The following PTCH1 variants were observed in gnomAD, a reference collection of about 807,000 sequenced individuals.
The protein encoded by PTCH1 is protein patched homolog 1.
PTCH1 carries 14 observed loss-of-function variants against 144.6 expected under a neutral mutation model. The observed-to-expected ratio is 0.10, with a 90% CI of 0.06 to 0.15. The LOEUF (loss-of-function observed/expected upper bound fraction) is 0.15, where lower values mean the gene tolerates loss of function less well. Among genes scored for constraint, PTCH1 ranks in the 10% least tolerant of loss-of-function variants. The pLI, the probability that PTCH1 is intolerant of heterozygous loss-of-function variation, is 1.00. For synonymous variants in PTCH1, 833 were observed against 793.6 expected (o/e 1.05, Z -0.83); for missense variants, 1,623 against 1,948.3 (o/e 0.83, Z 3.14).
Position 95,457,995 on chromosome 9 carries a change from C to A in PTCH1, c.3168+18G>T. ...GAAAGGAATTTGACTTCCACAAAGC[C>A]CCTTATAATACACTCACAATGATCC... On this transcript the variant is annotated intron_variant, in intron 18 of 23. Coordinates refer to ENST00000331920, the MANE Select transcript of PTCH1 (RefSeq NM_000264.5). 6.2e-7 allele frequency: 1 copy of A among 1,614,006 alleles called. No individual in the cohort carries two copies. The highest frequency in any genetic ancestry group is 8.5e-7 in the Non-Finnish European group (1 of 1,180,006).
rs954424550 is a variant in PTCH1, at chr9:95,444,631, TTTCTG to T, written c.*1757_*1761del. On this transcript the variant is annotated 3_prime_UTR_variant, in exon 24 of 24. Coordinates refer to ENST00000331920, the MANE Select transcript of PTCH1 (RefSeq NM_000264.5). ...TGGGTATTTCTGGGGGCCCATTACC[TTTCTG>T]TTAAGATTTCCCAGGTAATTTAAAA... The T allele has an allele frequency of 1.3e-5, 2 of 152,256 alleles. No individual in the cohort carries two copies. The highest frequency in any genetic ancestry group is 1.3e-4 in the Admixed American group (2 of 15,276). The allele number at this position is 152,256 out of a possible 1,614,324, so 9.4% of individuals were successfully genotyped here.
At chr9:95,472,109 G>A (rs773417642) in intron 12 of PTCH1, among the ~76,000 whole-genome samples, 3 of 152,140 alleles carry the variant, frequency 2.0e-5, no homozygotes, top group Admixed American at 6.5e-5. Context: ...AAAACACAGA[G>A]TGTGCAAGAG....
chr9:95,476,050 C>T lies in PTCH1; in HGVS notation c.1712G>A (p.Arg571Gln), dbSNP rs377566861. Residue 571 changes from arginine to glutamine, a missense_variant, in exon 12 of 24, where the codon CGG (arginine) becomes CAG (glutamine). Arg to Gln is a conservative substitution (Grantham distance 43). Coordinates refer to ENST00000331920, the MANE Select transcript of PTCH1 (RefSeq NM_000264.5). This position sits in a 1 kb window ranked among gnomAD's most constrained non-coding sequence, Gnocchi z 4.6. ...MAALIPIPAL[R>Q]AFSLQAAVVV... ...GAAGCTCACCTGGAGGGAGAACGCC[C>T]GCAGAGCGGGAATTGGGATTAACGC... 9.9e-6 allele frequency: 16 copies of T among 1,613,854 alleles called. No homozygotes were observed. Among genetic ancestry groups the T allele is most frequent in the South Asian group, 2.2e-5 (2 of 91,064 alleles).
chr9:95,452,246 T>A (rs1378707267), intron 20 of PTCH1: 3 of 152,164 alleles, frequency 2.0e-5, no homozygotes, highest in African/African-American at 7.2e-5. Context: ...CTCATCTCTT[T>A]CCCGTAATAA....
rs1840348766 is a variant in PTCH1 at position 95,469,324 on chromosome 9, T to A, written c.1848-171A>T. On this transcript the variant is annotated intron_variant, in intron 13 of 23. Transcript: ENST00000331920. ...ACATCGCCTGGTTGATAACATCACC[T>A]GGTTCATCGCCTGGTGAACTAGATA... The A allele has an allele frequency of 1.1e-5, 10 of 924,790 alleles. No individual in the cohort carries two copies. The Admixed American group carries it at 1.6e-4, about 15-fold the overall frequency. The allele number at this position is 924,790 out of a possible 1,614,324, so 57.3% of individuals were successfully genotyped here. A position where few individuals can be genotyped will look rare whatever the true frequency, so the allele number is the denominator to read the frequency against.
intron 2 of PTCH1, chr9:95,494,988 T>G (rs1842694670): frequency 6.6e-6 from 1 of 152,330 alleles, no homozygotes; most frequent in African/African-American, 2.4e-5. Context: ...TGAGCCGACA[T>G]GGGGGAGAAG....
chr9:95,454,422 A>G (rs1407056744), intron 19 of PTCH1, among the ~76,000 whole-genome samples: 1 of 152,176 alleles, frequency 6.6e-6, no homozygotes, highest in African/African-American at 2.4e-5. Flanking sequence ...TCCCTTACCT[A>G]CCTGCAGAAG....
At chr9:95,463,170 CA>C (rs71498963) in intron 15 of PTCH1, among the ~76,000 whole-genome samples, 31,235 of 151,878 alleles carry the variant, frequency 0.21, 3,462 homozygotes, top group Non-Finnish European at 0.24. Flanking sequence ...TCAAAGGCTT[CA>C]AAAAAAATCT....
At chr9:95,507,790 A>T in intron 1 of PTCH1, 1 of 349,242 alleles carries the variant, frequency 2.9e-6, no homozygotes, top group Non-Finnish European at 4.3e-6. Context: ...CGCAGGAGGA[A>T]GAAGTTCAGG....
rs375797579 is a variant in PTCH1, at chr9:95,485,673, G to A, written c.584+12C>T. The A allele has an allele frequency of 9.3e-6, 15 of 1,613,812 alleles. No individual in the cohort carries two copies. The highest frequency in any genetic ancestry group is 1.6e-4 in the Middle Eastern group (1 of 6,072). On this transcript the variant is annotated intron_variant, in intron 3 of 23. Transcript: ENST00000331920. ...CTGCTGCTCATTAGTAGGTGGACGCGGCGGGCCTTACCTGTTGTACATGTA... is the reference window on the plus strand; with the variant it reads ...CTGCTGCTCATTAGTAGGTGGACGCAGCGGGCCTTACCTGTTGTACATGTA...
In PTCH1 at chr9:95,453,469, C is replaced by T. The variant is rs1554690376; in HGVS notation, c.3449+9G>A. ...TCTAAAACATGTCTCCTTGCACACG[C>T]CTGCTTACCTGACAATGAAGTCGAA... On this transcript the variant is annotated intron_variant, in intron 20 of 23. Coordinates refer to ENST00000331920, the MANE Select transcript of PTCH1 (RefSeq NM_000264.5). 3.7e-6 allele frequency: 6 copies of T among 1,613,990 alleles called. No individual in the cohort carries two copies. Among genetic ancestry groups the T allele is most frequent in the East Asian group, 2.2e-5 (1 of 44,878 alleles).
chr9:95,474,726 G>A (rs1259263001), intron 12 of PTCH1, among the ~76,000 whole-genome samples: 2 of 152,116 alleles, frequency 1.3e-5, no homozygotes, highest in Non-Finnish European at 2.9e-5. Context: ...ATACGTGATT[G>A]ATTGGTTCCT....
chr9:95,468,427 G>A (rs1728601707), intron 14 of PTCH1, among the ~76,000 whole-genome samples: 1 of 152,156 alleles, frequency 6.6e-6, no homozygotes, highest in Non-Finnish European at 1.5e-5. Context: ...TCGAACTCCT[G>A]GCTCAAACAA....
intron 3 of PTCH1, among the ~76,000 whole-genome samples, chr9:95,485,203 C>A (rs1036338054): frequency 2.0e-5 from 3 of 151,810 alleles, no homozygotes; most frequent in African/African-American, 7.3e-5. Flanking sequence ...GAGGCTCTGT[C>A]TCAAAAAAAT....
intron 14 of PTCH1, 118 bp downstream of exon 14, chr9:95,468,629 ATACT>A (rs1331298477): frequency 4.1e-5 from 55 of 1,353,634 alleles, no homozygotes; most frequent in Admixed American, 9.1e-5. Context: ...GAAATGTATC[ATACT>A]TAAACGAAAT....
chr9:95,497,021 A>G (rs760836525), intron 2 of PTCH1, among the ~76,000 whole-genome samples: 7 of 152,200 alleles, frequency 4.6e-5, no homozygotes, highest in Non-Finnish European at 5.9e-5. Flanking sequence ...CCTTCATCTC[A>G]AAATTCCTGT....
rs755391704 is a variant in PTCH1 at position 95,467,370 on chromosome 9, G to A, written c.2306C>T (p.Thr769Ile). 16 of 1,614,188 alleles carry A rather than the reference G, an allele frequency of 9.9e-6. No homozygotes were observed. The highest frequency in any genetic ancestry group is 1.3e-5 in the Non-Finnish European group (15 of 1,180,048). ...AAGGTCCAGCCCGTCTCTCACTCGG[G>A]TGGTGCCATAAAGGCTGACCCCCAG... ...GLLGVSLYGTTRVRDGLDLTD... is the reference protein window; with the variant it reads ...GLLGVSLYGTIRVRDGLDLTD... Residue 769 changes from threonine (T) to isoleucine (I), a missense_variant, in exon 15 of 24, where the codon ACC (threonine) becomes ATC (isoleucine). Coordinates refer to ENST00000331920, the MANE Select transcript of PTCH1 (RefSeq NM_000264.5).
chr9:95,475,581 G>A (rs1840958704), intron 12 of PTCH1, among the ~76,000 whole-genome samples: 1 of 152,150 alleles, frequency 6.6e-6, no homozygotes, highest in Admixed American at 6.5e-5. Flanking sequence ...ACTGTCTTGG[G>A]TTGGGGGTGC....
chr9:95,469,666 C>T, intron 13 of PTCH1, 147 bp downstream of exon 13: 1 of 844,446 alleles, frequency 1.2e-6, no homozygotes, highest in Non-Finnish European at 2.0e-6. Flanking sequence ...CCTAGGGAAG[C>T]AGCCTCTGTC....
Sources: allele counts gnomAD v4.1 joint callset (sites outside exome capture counted in the v4.1 genomes callset), GRCh38; gene constraint gnomAD v4.1.1; non-coding constraint Gnocchi (gnomAD v3.1); transcripts MANE v1.5; gene names NCBI Gene and HGNC (gene_info 2026-07-23, HGNC 2026-07-21).